The following CMTM8 variants were observed in gnomAD, a reference collection of about 807,000 sequenced individuals.
The protein encoded by CMTM8 is CKLF like MARVEL transmembrane domain containing 8.
CMTM8 carries 12 observed loss-of-function variants against 18.6 expected under a neutral mutation model. The observed-to-expected ratio is 0.65, with a 90% CI of 0.41 to 1.05. The LOEUF (loss-of-function observed/expected upper bound fraction) is 1.05. CMTM8 is among the 50% of genes least tolerant of loss of function. CMTM8 has a pLI of 0.00. For synonymous variants in CMTM8, 87 were observed against 90.6 expected (o/e 0.96, Z 0.23); for missense variants, 217 against 227.2 (o/e 0.95, Z 0.29).
intron 1 of CMTM8, among the ~76,000 whole-genome samples, chr3:32,344,457 C>T (rs184783655): frequency 6.6e-6 from 1 of 152,312 alleles, no homozygotes; most frequent in East Asian, 1.9e-4. Context: ...ACCTGTGTCA[C>T]AATAATACTC....
chr3:32,327,377 A>G (rs1419627283), intron 1 of CMTM8, among the ~76,000 whole-genome samples: 1 of 152,238 alleles, frequency 6.6e-6, no homozygotes. Flanking sequence ...GCATTTTTAA[A>G]AGATATTAGA....
intron 1 of CMTM8, chr3:32,259,182 C>T (rs1302757471): frequency 1.1e-4 from 51 of 471,230 alleles, no homozygotes; most frequent in South Asian, 9.0e-4. Flanking sequence ...TGGGAGGCAT[C>T]CAGAGCGGGA....
At chr3:32,350,171 ACCAATCCT>A (rs1276593663) in intron 1 of CMTM8, among the ~76,000 whole-genome samples, 1 of 152,042 alleles carries the variant, frequency 6.6e-6, no homozygotes, top group Non-Finnish European at 1.5e-5. Context: ...ACAGCTTCCC[ACCAATCCT>A]CCTTATTTTA....
chr3:32,317,802 T>A (rs1695957835), intron 1 of CMTM8, among the ~76,000 whole-genome samples: 1 of 152,032 alleles, frequency 6.6e-6, no homozygotes, highest in Non-Finnish European at 1.5e-5. Flanking sequence ...ATGCCTGTAA[T>A]CCCAACACTT....
intron 1 of CMTM8, among the ~76,000 whole-genome samples, chr3:32,305,011 T>A (rs555182613): frequency 6.6e-6 from 1 of 152,330 alleles, no homozygotes; most frequent in Admixed American, 6.5e-5. Context: ...GAGAACCATC[T>A]CTTTAAGACA....
intron 1 of CMTM8, among the ~76,000 whole-genome samples, chr3:32,333,914 G>C (rs1696330900): frequency 6.6e-6 from 1 of 152,018 alleles, no homozygotes; most frequent in Non-Finnish European, 1.5e-5. Context: ...ATAAATTATA[G>C]GGGAGCTCAG....
At chr3:32,251,915 C>A (rs1270720231) in intron 1 of CMTM8, among the ~76,000 whole-genome samples, 2 of 151,516 alleles carry the variant, frequency 1.3e-5, no homozygotes, top group African/African-American at 4.9e-5. Flanking sequence ...CATGATGAAA[C>A]CCGGTCTCTA....
At chr3:32,321,789 G>C (rs1364802932) in intron 1 of CMTM8, among the ~76,000 whole-genome samples, 6 of 152,070 alleles carry the variant, frequency 3.9e-5, no homozygotes, top group Admixed American at 2.6e-4. Context: ...TGTAGAGACA[G>C]AGTCTCACTA....
At chr3:32,246,190 A>G (rs1337335843) in intron 1 of CMTM8, among the ~76,000 whole-genome samples, 5 of 152,086 alleles carry the variant, frequency 3.3e-5, no homozygotes, top group Non-Finnish European at 1.5e-5. Context: ...GATACCTTCC[A>G]TTTGTCCTTC....
chr3:32,244,000 C>T, intron 1 of CMTM8: 1 of 164,124 alleles, frequency 6.1e-6, no homozygotes, highest in Admixed American at 6.2e-5. Context: ...GATGAGTATT[C>T]AAGCATCTTC....
intron 1 of CMTM8, among the ~76,000 whole-genome samples, chr3:32,290,592 C>G (rs942385744): frequency 1.3e-5 from 2 of 152,218 alleles, no homozygotes; most frequent in East Asian, 1.9e-4. Context: ...CAACCTGCTG[C>G]TGTTTCTCAG....
At chr3:32,263,549 T>G (rs1436060965) in intron 1 of CMTM8, among the ~76,000 whole-genome samples, 2 of 152,120 alleles carry the variant, frequency 1.3e-5, no homozygotes, top group African/African-American at 2.4e-5. Flanking sequence ...GCGCCTCTCC[T>G]CCTCCAAAGG....
In CMTM8 at chr3:32,295,472, A is replaced by C. The variant is rs945607560; in HGVS notation, c.147+56353A>C. Among the ~76,000 whole-genome samples the C allele has an allele frequency of 7.1e-4, 100 of 140,410 alleles. 1 individual carries two copies. Among genetic ancestry groups the C allele is most frequent in the Middle Eastern group, 3.5e-3 (1 of 286 alleles). 92.1% of individuals were successfully genotyped at this position (140,410 alleles called of 152,430 possible). A position where few individuals can be genotyped will look rare whatever the true frequency, so the allele number is the denominator to read the frequency against. On this transcript the variant is annotated intron_variant, in intron 1 of 3. Transcript: ENST00000307526. Reference sequence around the variant, plus strand: ...CTCCATCTCAAAAAAAAAAAAAAAAAAAAAAACAAAACAAAACAGCGGAAA... The same window carrying C: ...CTCCATCTCAAAAAAAAAAAAAAAACAAAAAACAAAACAAAACAGCGGAAA...
At chr3:32,365,866 A>T (rs1697023614) in intron 2 of CMTM8, among the ~76,000 whole-genome samples, 1 of 152,120 alleles carries the variant, frequency 6.6e-6, no homozygotes, top group Non-Finnish European at 1.5e-5. Context: ...TCCAGGGCCT[A>T]TTTCTCTATA....
chr3:32,293,912 T>C (rs1702827390), intron 1 of CMTM8, among the ~76,000 whole-genome samples: 1 of 152,164 alleles, frequency 6.6e-6, no homozygotes, highest in South Asian at 2.1e-4. Flanking sequence ...TGCAGGTGTA[T>C]CTGTTGTGCA....
At chr3:32,246,813 G>A (rs1402466897) in intron 1 of CMTM8, among the ~76,000 whole-genome samples, 1 of 152,156 alleles carries the variant, frequency 6.6e-6, no homozygotes, top group Non-Finnish European at 1.5e-5. Context: ...TTAAAGATAA[G>A]TTTATTGGCT....
intron 1 of CMTM8, among the ~76,000 whole-genome samples, chr3:32,355,929 C>A (rs1219729352): frequency 6.6e-6 from 1 of 152,216 alleles, no homozygotes; most frequent in African/African-American, 2.4e-5. Context: ...CTGGACTTCT[C>A]CGATGCTTCC....
At position 32,322,639 on chromosome 3, in the gene CMTM8, T is replaced by A. The variant is rs557601953; in HGVS notation, c.148-34734T>A. ...AAGGGCATGTTCACTTACTGTGATA[T>A]CCTCCCACCCCTTCCCACCCCAGCC... On this transcript the variant is annotated intron_variant, in intron 1 of 3. Transcript: ENST00000307526. 4.2e-4 allele frequency among the ~76,000 whole-genome samples: 64 copies of A among 152,254 alleles called. 1 individual carries two copies. The highest frequency in any genetic ancestry group is 3.5e-3 in the Admixed American group (53 of 15,298).
At chr3:32,316,836 C>T (rs1253867865) in intron 1 of CMTM8, among the ~76,000 whole-genome samples, 1 of 152,190 alleles carries the variant, frequency 6.6e-6, no homozygotes, top group Non-Finnish European at 1.5e-5. Context: ...GATCAAATCC[C>T]TGACTGTTCG....
Sources: gnomAD v4.1 joint callset for allele counts (sites outside exome capture counted in the v4.1 genomes callset) on GRCh38, gnomAD v4.1.1 for gene constraint, MANE v1.5 for transcripts, NCBI Gene and HGNC (gene_info 2026-07-23, HGNC 2026-07-21) for gene names.